Variants in SLCO6A1 observed in about 807,000 individuals in gnomAD.
SLCO6A1 encodes the protein solute carrier organic anion transporter family member 6A1.
In SLCO6A1, 65 loss-of-function variants were observed where a neutral mutation model predicts 72.7. That is an observed-to-expected ratio of 0.89 (90% confidence interval 0.73 to 1.10). SLCO6A1 has a LOEUF of 1.10. Among genes scored for constraint, SLCO6A1 ranks in the 50% least tolerant of loss-of-function variants. The pLI is 0.00. For synonymous variants in SLCO6A1, 314 were observed against 298.2 expected (o/e 1.05, Z -0.55); for missense variants, 874 against 872.6 (o/e 1.00, Z -0.02).
intron 10 of SLCO6A1, among the ~76,000 whole-genome samples, chr5:102,397,199 T>G (rs1398106803): frequency 5.3e-5 from 8 of 152,196 alleles, no homozygotes; most frequent in African/African-American, 1.9e-4. Context: ...GTTTGATAAT[T>G]TTCATTTCAT....
At chr5:102,419,553 A>G (rs1202774222) in intron 8 of SLCO6A1, among the ~76,000 whole-genome samples, 2 of 152,318 alleles carry the variant, frequency 1.3e-5, no homozygotes, top group South Asian at 2.1e-4. Context: ...TACCCACCCT[A>G]ATACAAAACT....
At chr5:102,422,236 C>A (rs1208645589) in intron 7 of SLCO6A1, among the ~76,000 whole-genome samples, 1 of 152,116 alleles carries the variant, frequency 6.6e-6, no homozygotes, top group African/African-American at 2.4e-5. Flanking sequence ...ATCACAACTC[C>A]TCACCAGCAA....
chr5:102,471,353 T>C (rs892820242), intron 4 of SLCO6A1, among the ~76,000 whole-genome samples: 1 of 152,062 alleles, frequency 6.6e-6, no homozygotes, highest in Non-Finnish European at 1.5e-5. Context: ...ATCTCTCCTA[T>C]ATTAAGTGAA....
intron 3 of SLCO6A1, 62 bp downstream of exon 3, chr5:102,477,614 G>T: frequency 7.1e-7 from 1 of 1,400,498 alleles, no homozygotes; most frequent in Non-Finnish European, 9.9e-7. Flanking sequence ...GCTTAGATAT[G>T]CATACCAAAA....
chr5:102,416,143 T>C (rs1748272868), intron 8 of SLCO6A1, among the ~76,000 whole-genome samples: 1 of 152,118 alleles, frequency 6.6e-6, no homozygotes, highest in Non-Finnish European at 1.5e-5. Context: ...TGAAAAACAG[T>C]AGATGTTTTC....
At chr5:102,426,769 T>C (rs993901620) in intron 7 of SLCO6A1, among the ~76,000 whole-genome samples, 1 of 152,214 alleles carries the variant, frequency 6.6e-6, no homozygotes, top group Non-Finnish European at 1.5e-5. Flanking sequence ...CATTACTGCT[T>C]ATATATCCAA....
At position 102,392,208 on chromosome 5, in the gene SLCO6A1, A is replaced by G. The variant is rs568132993; in HGVS notation, c.1815-1163T>C. 5.9e-5 allele frequency among the ~76,000 whole-genome samples: 9 copies of G among 152,164 alleles called. No individual in the cohort carries two copies. In the East Asian group the frequency reaches 1.4e-3, roughly 23 times the overall value. ...CTACCCATATCAACCTGGTAAAAAT[A>G]TATATGTCTTCCTCATATATTTACT... On this transcript the variant is annotated intron_variant, in intron 10 of 13. Transcript: ENST00000506729.
At chr5:102,381,232 C>T (rs1325671932) in intron 12 of SLCO6A1, among the ~76,000 whole-genome samples, 2 of 151,764 alleles carry the variant, frequency 1.3e-5, no homozygotes, top group Non-Finnish European at 3.0e-5. Flanking sequence ...CTCTCATTTC[C>T]CATTTCCATC....
At chr5:102,488,159 A>C (rs1752523417) in intron 1 of SLCO6A1, among the ~76,000 whole-genome samples, 2 of 152,192 alleles carry the variant, frequency 1.3e-5, no homozygotes, top group African/African-American at 2.4e-5. Flanking sequence ...AAAATTTTAT[A>C]ATGATAAAGA....
rs552764330 is a variant in SLCO6A1, at chr5:102,492,337, A to G, written c.358+6150T>C. Among the ~76,000 whole-genome samples the G allele has an allele frequency of 4.6e-5, 7 of 152,326 alleles. No homozygotes were observed. The East Asian group carries it at 9.6e-4, about 21-fold the overall frequency. ...TGAGAAATCAGAAACACTGCAGCAG[A>G]AATGAAAAAAAATGTCTTTGATGAC... On this transcript the variant is annotated intron_variant, in intron 1 of 13. Transcript: ENST00000506729.
At chr5:102,489,636 T>C (rs1363937838) in intron 1 of SLCO6A1, among the ~76,000 whole-genome samples, 1 of 152,214 alleles carries the variant, frequency 6.6e-6, no homozygotes, top group African/African-American at 2.4e-5. Flanking sequence ...GAAGCCTTTA[T>C]ACACTGTTGG....
At chr5:102,438,302 G>A (rs750665097) in intron 7 of SLCO6A1, among the ~76,000 whole-genome samples, 1 of 151,992 alleles carries the variant, frequency 6.6e-6, no homozygotes, top group Non-Finnish European at 1.5e-5. Context: ...AGAAATAGGT[G>A]TATATAGACA....
Position 102,419,814 on chromosome 5 carries a change from GACT to G in SLCO6A1, c.1472+9_1472+11del, listed in dbSNP as rs1193274151. Reference sequence around the variant, plus strand: ...TTTGATGTAAAAGTCTAATATACAAGACTACATTTACCCATCATAATCTTCATT... The same window carrying G: ...TTTGATGTAAAAGTCTAATATACAAGACATTTACCCATCATAATCTTCATT... On this transcript the variant is annotated intron_variant, in intron 8 of 13. Coordinates refer to ENST00000506729, the MANE Select transcript of SLCO6A1 (RefSeq NM_173488.5). The G allele has an allele frequency of 6.3e-6, 10 of 1,576,288 alleles. No individual in the cohort carries two copies. The highest frequency in any genetic ancestry group is 2.8e-5 in the African/African-American group (2 of 72,414).
rs113120009 is a variant in SLCO6A1, at chr5:102,402,191, T to C, written c.1627-2449A>G. On this transcript the variant is annotated intron_variant, in intron 9 of 13. Transcript: ENST00000506729. The stretch of plus-strand genomic sequence containing the variant: ...CTAGGGTATGACCACCGAAGGACAT[T>C]GCATGAGGTGGGGTGCAAACAAGAT... Among the ~76,000 whole-genome samples the C allele has an allele frequency of 2.1e-3, 315 of 152,142 alleles. 3 individuals carry two copies. The highest frequency in any genetic ancestry group is 7.2e-3 in the African/African-American group (299 of 41,514).
Position 102,438,641 on chromosome 5 carries a change from G to C in SLCO6A1, c.1252C>G (p.Pro418Ala), listed in dbSNP as rs369373557. 6.4e-5 allele frequency: 102 copies of C among 1,591,220 alleles called. No homozygotes were observed. The highest frequency in any genetic ancestry group is 8.2e-5 in the Non-Finnish European group (96 of 1,173,122). ...IYLENQFILT[P>A]TVATTLAGLV... ...CCTGCAAGTGTAGTTGCCACAGTGG[G>C]TGTTAATATAAACTGATTTTCTAAA... is the stretch of plus-strand genomic sequence containing the variant. Residue 418 changes from proline to alanine, a missense_variant, in exon 7 of 14, where the codon CCC (proline) becomes GCC (alanine). Coordinates refer to ENST00000506729, the MANE Select transcript of SLCO6A1 (RefSeq NM_173488.5).
intron 12 of SLCO6A1, among the ~76,000 whole-genome samples, chr5:102,378,967 G>A (rs181382894): frequency 3.3e-5 from 5 of 152,160 alleles, no homozygotes; most frequent in Non-Finnish European, 4.4e-5. Context: ...TTTTAGTAGA[G>A]ATGGGGTTTC....
intron 4 of SLCO6A1, among the ~76,000 whole-genome samples, chr5:102,465,793 A>C (rs907590987): frequency 2.0e-5 from 3 of 152,090 alleles, no homozygotes; most frequent in African/African-American, 4.8e-5. Flanking sequence ...GAGGTGACCC[A>C]AACTATCATT....
chr5:102,417,565 C>T (rs1748355668), intron 8 of SLCO6A1, among the ~76,000 whole-genome samples: 1 of 152,120 alleles, frequency 6.6e-6, no homozygotes, highest in Non-Finnish European at 1.5e-5. Context: ...AGTCTACCAA[C>T]ATGTGCTATT....
chr5:102,377,856 T>A (rs1745890692), intron 12 of SLCO6A1, among the ~76,000 whole-genome samples: 2 of 150,872 alleles, frequency 1.3e-5, no homozygotes, highest in Admixed American at 1.3e-4. Flanking sequence ...ATATTTTTTG[T>A]ACAGACAGGG....
Sources: allele counts gnomAD v4.1 joint callset (sites outside exome capture counted in the v4.1 genomes callset), GRCh38; gene constraint gnomAD v4.1.1; transcripts MANE v1.5; gene names NCBI Gene and HGNC (gene_info 2026-07-23, HGNC 2026-07-21).